ANXA10: variants seen among roughly 807,000 people sequenced by gnomAD.
ANXA10 encodes the protein annexin 14.
Under a neutral mutation model 53.5 loss-of-function variants are expected in ANXA10, and 49 were observed. The ratio of observed to expected loss-of-function variants is 0.92; its 90% CI spans 0.73 to 1.16. The LOEUF (loss-of-function observed/expected upper bound fraction) is 1.16, where lower values mean the gene tolerates loss of function less well. Among genes scored for constraint, ANXA10 ranks in the 50% most tolerant of loss-of-function variants. ANXA10 has a pLI of 0.00. For missense variants in ANXA10, 393 were observed against 394.4 expected (o/e 1.00, Z 0.03); for synonymous variants, 131 against 128.9 (o/e 1.02, Z -0.11).
At chr4:168,156,383 A>T (rs1346156131) in intron 3 of ANXA10, among the ~76,000 whole-genome samples, 3 of 112,832 alleles carry the variant, frequency 2.7e-5, no homozygotes, top group Non-Finnish European at 5.1e-5. Flanking sequence ...TAATATAATT[A>T]ATATATATTA....
chr4:168,187,447 T>C lies in ANXA10; in HGVS notation c.*13T>C, dbSNP rs772133793. On this transcript the variant is annotated 3_prime_UTR_variant, in exon 12 of 12. Transcript: ENST00000359299. ...TGAGGACTACTAAAATGAAGAGGAC[T>C]TGGAGTACTGTGCACTCCTCTTTCT... 6.4e-7 allele frequency: 1 copy of C among 1,566,634 alleles called. No individual in the cohort carries two copies. Among genetic ancestry groups the C allele is most frequent in the Non-Finnish European group, 8.7e-7 (1 of 1,151,108 alleles).
chr4:168,119,483 G>A (rs1730951995), intron 1 of ANXA10, among the ~76,000 whole-genome samples: 1 of 152,088 alleles, frequency 6.6e-6, no homozygotes, highest in Admixed American at 6.5e-5. Flanking sequence ...TGAGTTCTGA[G>A]TTCTTCCAAA....
At position 168,155,843 on chromosome 4, in the gene ANXA10, A is replaced by C. The variant is rs1347767694; in HGVS notation, c.196-6685A>C. ...ATATGATATATGATATATCATATAT[A>C]ATATAATATATCATATATGATATAT... On this transcript the variant is annotated intron_variant, in intron 3 of 11. Coordinates refer to ENST00000359299, the MANE Select transcript of ANXA10 (RefSeq NM_007193.5). Among the ~76,000 whole-genome samples the C allele has an allele frequency of 3.0e-4, 5 of 16,726 alleles. No homozygotes were observed. The South Asian group carries it at 8.3e-3, about 28-fold the overall frequency. The allele number at this position is 16,726 out of a possible 152,430, so 11.0% of individuals were successfully genotyped here.
intron 5 of ANXA10, among the ~76,000 whole-genome samples, chr4:168,165,021 G>A (rs916245422): frequency 2.0e-5 from 3 of 152,122 alleles, no homozygotes; most frequent in Non-Finnish European, 4.4e-5. Flanking sequence ...TCTCAATCCT[G>A]TTTTTCAATT....
chr4:168,148,867 T>C (rs2149473803), intron 3 of ANXA10, among the ~76,000 whole-genome samples: 1 of 152,292 alleles, frequency 6.6e-6, no homozygotes, highest in South Asian at 2.1e-4. Context: ...ATTTTTATTA[T>C]TTCCTCATTG....
intron 1 of ANXA10, among the ~76,000 whole-genome samples, chr4:168,104,113 C>T (rs1466628608): frequency 1.3e-5 from 2 of 151,824 alleles, no homozygotes; most frequent in Non-Finnish European, 2.9e-5. Context: ...TGAATAGATG[C>T]TATACTTGTC....
intron 9 of ANXA10, 103 bp from the exon 10 acceptor site, chr4:168,181,580 A>G: frequency 1.1e-6 from 1 of 932,578 alleles, no homozygotes; most frequent in South Asian, 1.3e-5. Flanking sequence ...TTACAATACA[A>G]TGTAAGAATT....
At chr4:168,099,075 T>A (rs1006079373) in intron 1 of ANXA10, among the ~76,000 whole-genome samples, 2 of 152,148 alleles carry the variant, frequency 1.3e-5, no homozygotes, top group Non-Finnish European at 2.9e-5. Flanking sequence ...ACTTTTTCAG[T>A]TATGTAAAAA....
chr4:168,097,349 T>C (rs1730568310), intron 1 of ANXA10, among the ~76,000 whole-genome samples: 1 of 152,108 alleles, frequency 6.6e-6, no homozygotes, highest in Non-Finnish European at 1.5e-5. Flanking sequence ...ATGGGTGTTA[T>C]TAGACACAAT....
chr4:168,126,666 CTGATA>C (rs1163612944), intron 1 of ANXA10, among the ~76,000 whole-genome samples: 4 of 152,064 alleles, frequency 2.6e-5, no homozygotes, highest in Non-Finnish European at 5.9e-5. Context: ...ATGAGTCTGT[CTGATA>C]TATTTATTTC....
At chr4:168,136,867 G>A (rs1292678670) in intron 2 of ANXA10, among the ~76,000 whole-genome samples, 3 of 152,202 alleles carry the variant, frequency 2.0e-5, no homozygotes, top group African/African-American at 7.2e-5. Flanking sequence ...TGAAGGCTCT[G>A]CTTCTGCAGC....
chr4:168,183,551 T>C (rs1012077855), intron 10 of ANXA10, among the ~76,000 whole-genome samples: 3 of 152,214 alleles, frequency 2.0e-5, no homozygotes, highest in African/African-American at 4.8e-5. Flanking sequence ...ATTCTAATAG[T>C]ACATGAAAAC....
Position 168,179,244 on chromosome 4 carries a change from G to T in ANXA10, c.656G>T (p.Gly219Val). The T allele has an allele frequency of 6.2e-7, 1 of 1,610,340 alleles. No homozygotes were observed. The highest frequency in any genetic ancestry group is 2.2e-5 in the East Asian group (1 of 44,734). ...TTCCAGGAATTTCAAAATATTTCTGGGCAAGATATGGTAGATGCCATTAAT... is the reference window on the plus strand; with the variant it reads ...TTCCAGGAATTTCAAAATATTTCTGTGCAAGATATGGTAGATGCCATTAAT... ...LVFQEFQNIS[G>V]QDMVDAINEC... is the part of the protein sequence containing the mutation. Residue 219 changes from glycine (G) to valine (V), a missense_variant, in exon 9 of 12, where the codon GGG becomes GTG. Gly to Val is a moderately radical substitution (Grantham distance 109). Coordinates refer to ENST00000359299, the MANE Select transcript of ANXA10 (RefSeq NM_007193.5).
chr4:168,132,859 A>G (rs1177803311), intron 2 of ANXA10, among the ~76,000 whole-genome samples: 1 of 152,120 alleles, frequency 6.6e-6, no homozygotes, highest in Admixed American at 6.6e-5. Flanking sequence ...ATTTGACCAT[A>G]CAGTCGATTC....
rs1305530152 is a variant in ANXA10, at chr4:168,155,488, AT to A, written c.196-7039del. Among the ~76,000 whole-genome samples, 51 of 23,128 alleles carry A rather than the reference AT, an allele frequency of 2.2e-3. 7 individuals carry two copies. The highest frequency in any genetic ancestry group is 7.2e-3 in the African/African-American group (29 of 4,036). 15.2% of individuals were successfully genotyped at this position (23,128 alleles called of 152,430 possible). ...TATATAATTATAAATTATATATTAT[AT>A]AATATATAATTATATATTATAAAAT... On this transcript the variant is annotated intron_variant, in intron 3 of 11. Coordinates refer to ENST00000359299, the MANE Select transcript of ANXA10 (RefSeq NM_007193.5).
intron 10 of ANXA10, among the ~76,000 whole-genome samples, chr4:168,183,423 G>A (rs554054229): frequency 6.6e-6 from 1 of 152,270 alleles, no homozygotes; most frequent in South Asian, 2.1e-4. Context: ...GATTTCAATT[G>A]TTTCCTTCTC....
intron 1 of ANXA10, among the ~76,000 whole-genome samples, chr4:168,104,426 GTTCTC>G (rs1730686799): frequency 1.3e-5 from 2 of 151,822 alleles, no homozygotes; most frequent in Non-Finnish European, 2.9e-5. Flanking sequence ...GTCAGAAAGT[GTTCTC>G]TTCTATTTTC....
At chr4:168,116,223 T>C (rs1201658938) in intron 1 of ANXA10, among the ~76,000 whole-genome samples, 2 of 152,104 alleles carry the variant, frequency 1.3e-5, no homozygotes, top group African/African-American at 4.8e-5. Context: ...ACAATCCATA[T>C]AGACAAAACA....
chr4:168,136,948 A>G (rs548869278), intron 2 of ANXA10, among the ~76,000 whole-genome samples: 11 of 152,178 alleles, frequency 7.2e-5, no homozygotes, highest in Middle Eastern at 3.4e-3. Context: ...CAAAACCTCA[A>G]CTCTTGCTGT....
Sources: allele counts gnomAD v4.1 joint callset (sites outside exome capture counted in the v4.1 genomes callset), GRCh38; gene constraint gnomAD v4.1.1; transcripts MANE v1.5; gene names NCBI Gene and HGNC (gene_info 2026-07-23, HGNC 2026-07-21).